FLT1: variants seen among roughly 807,000 people sequenced by gnomAD.
FLT1 encodes vascular endothelial growth factor receptor 1.
Under a neutral mutation model 156.3 loss-of-function variants are expected in FLT1, and 49 were observed. The observed-to-expected ratio is 0.31, with a 90% CI of 0.25 to 0.40. The LOEUF is 0.40. Ranked by LOEUF, FLT1 falls within the 10% of genes least tolerant of loss-of-function variation. The pLI is 1.00. For missense variants in FLT1, 1,322 were observed against 1,637.2 expected (o/e 0.81, Z 3.32); for synonymous variants, 594 against 583.8 (o/e 1.02, Z -0.25).
chr13:28,419,996 A>G (rs1876908648), intron 10 of FLT1, among the ~76,000 whole-genome samples: 2 of 152,236 alleles, frequency 1.3e-5, no homozygotes, highest in South Asian at 4.1e-4. Context: ...ACTCATTAGA[A>G]ACAATTATTC....
At chr13:28,392,655 C>T (rs1874808870) in intron 12 of FLT1, among the ~76,000 whole-genome samples, 1 of 152,176 alleles carries the variant, frequency 6.6e-6, no homozygotes, top group Non-Finnish European at 1.5e-5. Flanking sequence ...TTGCCAAGCA[C>T]CACCAGGAAT....
Position 28,312,090 on chromosome 13 carries a change from A to G in FLT1, c.3395T>C (p.Ile1132Thr). The change falls in exon 26 of 30, where the codon ATC (isoleucine) becomes ACC (threonine). Residue 1132 changes from isoleucine to threonine, a missense_variant. Ile to Thr is a moderately conservative substitution (Grantham distance 89, BLOSUM62 -1). Around this residue, in one of 3 missense-constraint regions of FLT1, gnomAD observed 329 missense variants for 366.2 expected, o/e 0.90. Coordinates refer to ENST00000282397, the MANE Select transcript of FLT1 (RefSeq NM_002019.4). ...PEYSTPEIYQ[I>T]MLDCWHRDPK... is the part of the protein sequence containing the mutation. ...GTCTCTGTGCCAGCAGTCCAGCATG[A>G]TCTGATAGCTGGTGGGGAAAACAGC... 6.2e-7 allele frequency: 1 copy of G among 1,609,150 alleles called. No homozygotes were observed. Among genetic ancestry groups the G allele is most frequent in the Non-Finnish European group, 8.5e-7 (1 of 1,175,504 alleles).
rs1471876495 is a variant in FLT1, at chr13:28,302,694, T to G, written c.*473A>C. 2 of 235,674 alleles carry G rather than the reference T, an allele frequency of 8.5e-6. No individual in the cohort carries two copies. The highest frequency in any genetic ancestry group is 8.4e-6 in the Non-Finnish European group (1 of 119,750). The allele number at this position is 235,674 out of a possible 1,614,324, so 14.6% of individuals were successfully genotyped here. A position where few individuals can be genotyped will look rare whatever the true frequency, so the allele number is the denominator to read the frequency against. ...CCTTGCTTTTTGCTTTTTTTCCTTT[T>G]CCTCCTCACATGTCTTAGGCCTGCT... On this transcript the variant is annotated 3_prime_UTR_variant, in exon 30 of 30. Coordinates refer to ENST00000282397, the MANE Select transcript of FLT1 (RefSeq NM_002019.4).
At chr13:28,437,024 A>C (rs1878064355) in intron 4 of FLT1, among the ~76,000 whole-genome samples, 2 of 152,170 alleles carry the variant, frequency 1.3e-5, no homozygotes, top group Non-Finnish European at 2.9e-5. Context: ...TAGACCATTC[A>C]AGAAGGATGG....
intron 1 of FLT1, among the ~76,000 whole-genome samples, chr13:28,468,903 C>T (rs1593828881): frequency 6.6e-6 from 1 of 152,236 alleles, no homozygotes; most frequent in Non-Finnish European, 1.5e-5. Context: ...AACAGCCTAA[C>T]AGACAGCCTC....
At chr13:28,398,148 C>T (rs537638100) in intron 11 of FLT1, among the ~76,000 whole-genome samples, 2 of 152,302 alleles carry the variant, frequency 1.3e-5, no homozygotes, top group East Asian at 3.9e-4. Flanking sequence ...AAGCTAGTTT[C>T]TCATACTTAA....
In FLT1 at chr13:28,412,350, C is replaced by CTTTCTTTCTTTCTTTCTTTCT. The variant is rs71086853; in HGVS notation, c.1437-6457_1437-6456insAGAAAGAAAGAAAGAAAGAAA. 9.6e-5 allele frequency among the ~76,000 whole-genome samples: 9 copies of CTTTCTTTCTTTCTTTCTTTCT among 93,708 alleles called. 1 individual carries two copies. The highest frequency in any genetic ancestry group is 3.4e-4 in the African/African-American group (9 of 26,400). The allele number at this position is 93,708 out of a possible 152,430, so 61.5% of individuals were successfully genotyped here. On this transcript the variant is annotated intron_variant, in intron 10 of 29. Coordinates refer to ENST00000282397, the MANE Select transcript of FLT1 (RefSeq NM_002019.4). ...CTTTCTTTTCTTTCTTTCTTTCTTT[C>CTTTCTTTCTTTCTTTCTTTCT]TCTTTCTTTCTTTCTTTCTTTCTTT...
chr13:28,463,960 T>TTCATAGTAGTACAGTTACAGGC (rs569451027), intron 3 of FLT1, among the ~76,000 whole-genome samples: 8,424 of 152,146 alleles, frequency 0.055, 282 homozygotes, highest in South Asian at 0.11. Flanking sequence ...GATGTTACTG[T>TTCATAGTAGTACAGTTACAGGC]TCATAGTAGT....
intron 1 of FLT1, among the ~76,000 whole-genome samples, chr13:28,490,903 C>CTA (rs770805402): frequency 2.6e-5 from 4 of 152,196 alleles, no homozygotes; most frequent in Non-Finnish European, 5.9e-5. Context: ...CGCCTGGCCT[C>CTA]TACTAACACC....
rs1336404221 is a variant in FLT1, at chr13:28,467,546, C to T, written c.136G>A (p.Gly46Ser). The change falls in exon 2 of 30, where the codon GGC (glycine) becomes AGC (serine). Residue 46 changes from glycine (G) to serine (S), a missense_variant. Coordinates refer to ENST00000282397, the MANE Select transcript of FLT1 (RefSeq NM_002019.4). Reference protein sequence around the residue: ...LKGTQHIMQAGQTLHLQCRGE... With the variant: ...LKGTQHIMQASQTLHLQCRGE... ...CTGCATTGGAGATGCAGTGTCTGGC[C>T]TGCTTGCATGATGTGCTGGGTGCCT... The T allele has an allele frequency of 2.2e-5, 36 of 1,610,160 alleles. No homozygotes were observed. Among genetic ancestry groups the T allele is most frequent in the Middle Eastern group, 3.3e-4 (2 of 6,068 alleles).
intron 23 of FLT1, among the ~76,000 whole-genome samples, chr13:28,320,961 G>A (rs550194844): frequency 2.1e-4 from 32 of 152,244 alleles, no homozygotes; most frequent in African/African-American, 5.5e-4. Flanking sequence ...AAGCCAGTAC[G>A]AGCCAGCGGG....
At chr13:28,382,253 C>T (rs371177683) in intron 14 of FLT1, among the ~76,000 whole-genome samples, 3 of 152,106 alleles carry the variant, frequency 2.0e-5, no homozygotes, top group Non-Finnish European at 4.4e-5. Flanking sequence ...TTAAGGGATG[C>T]GACAAAGGAA....
intron 19 of FLT1, 97 bp from the exon 20 acceptor site, chr13:28,327,647 C>A: frequency 5.0e-6 from 4 of 805,452 alleles, no homozygotes; most frequent in East Asian, 2.5e-5. Flanking sequence ...AACCAACCAG[C>A]CTTTGTATTA....
chr13:28,492,615 GA>G (rs1451915037), intron 1 of FLT1, among the ~76,000 whole-genome samples: 1 of 152,188 alleles, frequency 6.6e-6, no homozygotes, highest in African/African-American at 2.4e-5. Flanking sequence ...AGTATTCAAA[GA>G]TTACATAGTA....
rs894090277 is a variant in FLT1 at position 28,457,933 on chromosome 13, C to CTTTTTTTTTTTT, written c.388+8958_388+8969dup. The stretch of plus-strand genomic sequence containing the variant: ...TTCTTTTCCTTTTTTCTTTCCTTTT[C>CTTTTTTTTTTTT]TTTTTTTTTTTTTTTTTTTGTGATG... On this transcript the variant is annotated intron_variant, in intron 3 of 29. Transcript: ENST00000282397. Among the ~76,000 whole-genome samples, 200 of 114,172 alleles carry CTTTTTTTTTTTT rather than the reference C, an allele frequency of 1.8e-3. 1 individual carries two copies. Among genetic ancestry groups the CTTTTTTTTTTTT allele is most frequent in the African/African-American group, 6.1e-3 (162 of 26,734 alleles). 74.9% of individuals were successfully genotyped at this position (114,172 alleles called of 152,430 possible).
intron 3 of FLT1, among the ~76,000 whole-genome samples, chr13:28,451,602 T>C (rs1336752808): frequency 1.3e-5 from 2 of 150,358 alleles, no homozygotes; most frequent in African/African-American, 2.5e-5. Context: ...TCCATCAGCA[T>C]AGCTGTGTGC....
At position 28,300,521 on chromosome 13, in the gene FLT1, CCACACACACA is replaced by C. The variant is rs57419092; in HGVS notation, c.*2636_*2645del. 147 of 224,968 alleles carry C rather than the reference CCACACACACA, an allele frequency of 6.5e-4. No homozygotes were observed. The highest frequency in any genetic ancestry group is 1.3e-3 in the Middle Eastern group (1 of 764). The allele number at this position is 224,968 out of a possible 1,614,324, so 13.9% of individuals were successfully genotyped here. On this transcript the variant is annotated 3_prime_UTR_variant, in exon 30 of 30. Transcript: ENST00000282397. ...AGTTATGCACAAAACACACATACACCCACACACACACACACACACACACACACACACACAC... is the reference window on the plus strand; with the variant it reads ...AGTTATGCACAAAACACACATACACCCACACACACACACACACACACACAC...
At chr13:28,319,629 G>A (rs1219436296) in intron 23 of FLT1, 95 bp from the exon 24 acceptor site, 5 of 737,126 alleles carry the variant, frequency 6.8e-6, no homozygotes, top group African/African-American at 1.7e-5. Flanking sequence ...ATAACATACG[G>A]CCTATAAATC....
intron 3 of FLT1, among the ~76,000 whole-genome samples, chr13:28,460,807 C>CAA (rs1879532224): frequency 6.6e-6 from 1 of 151,748 alleles, no homozygotes. Context: ...TACACACACA[C>CAA]ACACACACAC....
Sources: allele counts gnomAD v4.1 joint callset (sites outside exome capture counted in the v4.1 genomes callset), GRCh38; gene constraint gnomAD v4.1.1; regional missense constraint gnomAD v4.1.1; transcripts MANE v1.5; gene names NCBI Gene and HGNC (gene_info 2026-07-23, HGNC 2026-07-21).